Variants in ITGA11 observed in about 807,000 individuals in gnomAD.
ITGA11 encodes the protein integrin subunit alpha 11.
Under a neutral mutation model 141.9 loss-of-function variants are expected in ITGA11, and 97 were observed. The observed-to-expected ratio is 0.68, with a 90% confidence interval of 0.58 to 0.81. The LOEUF (loss-of-function observed/expected upper bound fraction) is 0.81. Ranked by LOEUF, ITGA11 falls within the 30% of genes least tolerant of loss-of-function variation. The probability of loss-of-function intolerance (pLI) is 0.00; values close to 1 mark genes in which losing one functional copy is unlikely to be tolerated. For synonymous variants in ITGA11, 658 were observed against 624.6 expected, an observed-to-expected ratio of 1.05 and a Z score of -0.80; for missense variants, 1,387 against 1,559.2, an observed-to-expected ratio of 0.89 and a Z score of 1.86.
chr15:68,392,737 T>A (rs1283188533), intron 2 of ITGA11, among the ~76,000 whole-genome samples: 1 of 152,194 alleles, frequency 6.6e-6, no homozygotes, highest in Non-Finnish European at 1.5e-5. Context: ...CCTTAATGAA[T>A]ACTCTGGGAT....
At chr15:68,406,722 C>T (rs115267658) in intron 1 of ITGA11, among the ~76,000 whole-genome samples, 9 of 152,240 alleles carry the variant, frequency 5.9e-5, no homozygotes, top group African/African-American at 1.7e-4. Flanking sequence ...AGGTCCAGCT[C>T]GTAGATACTG....
chr15:68,423,994 C>T (rs1897079836), intron 1 of ITGA11, among the ~76,000 whole-genome samples: 1 of 152,156 alleles, frequency 6.6e-6, no homozygotes, highest in African/African-American at 2.4e-5. Context: ...CTCAGAGAAC[C>T]CCCCGCCCCA....
rs71145169 is a variant in ITGA11 at position 68,412,668 on chromosome 15, C to CTTT, written c.53-9642_53-9640dup. 2.4e-3 allele frequency among the ~76,000 whole-genome samples: 141 copies of CTTT among 59,258 alleles called. 2 individuals are homozygous for CTTT. Among genetic ancestry groups the CTTT allele is most frequent in the Middle Eastern group, 0.02 (1 of 50 alleles). 38.9% of individuals were successfully genotyped at this position (59,258 alleles called of 152,430 possible). On this transcript the variant is annotated intron_variant, in intron 1 of 29. Coordinates refer to ENST00000315757, the MANE Select transcript of ITGA11 (RefSeq NM_001004439.2). ...TTATTAGGGAGGGGGAACTTATTCG[C>CTTT]TTTTTTTTTTTTTTTTTTTTTTTTT...
At chr15:68,400,638 A>T (rs1193857694) in intron 2 of ITGA11, among the ~76,000 whole-genome samples, 1 of 69,510 alleles carries the variant, frequency 1.4e-5, no homozygotes, top group Non-Finnish European at 2.5e-5. Flanking sequence ...TAAATATTAT[A>T]ATATTATATA....
chr15:68,426,604 T>C (rs766801617), intron 1 of ITGA11, among the ~76,000 whole-genome samples: 1 of 152,178 alleles, frequency 6.6e-6, no homozygotes, highest in Non-Finnish European at 1.5e-5. Context: ...GCTGTTTGCA[T>C]ACTGATCTCA....
chr15:68,329,696 G>A (rs944260963), intron 15 of ITGA11, among the ~76,000 whole-genome samples: 1 of 152,174 alleles, frequency 6.6e-6, no homozygotes, highest in African/African-American at 2.4e-5. Flanking sequence ...TTTCTTGGCT[G>A]GAACCAACAC....
intron 20 of ITGA11, among the ~76,000 whole-genome samples, chr15:68,318,503 G>C (rs772741364): frequency 6.6e-5 from 10 of 152,198 alleles, no homozygotes; most frequent in Non-Finnish European, 1.2e-4. Flanking sequence ...AGCCTGGGCT[G>C]TCACTCTGGG....
At chr15:68,311,978 A>C (rs1345062067) in intron 24 of ITGA11, among the ~76,000 whole-genome samples, 2 of 152,138 alleles carry the variant, frequency 1.3e-5, no homozygotes, top group Non-Finnish European at 2.9e-5. Context: ...GCAGCTTACT[A>C]GGCCTCTCTT....
At chr15:68,431,720 C>A (rs1190601595) in intron 1 of ITGA11, among the ~76,000 whole-genome samples, 1 of 152,242 alleles carries the variant, frequency 6.6e-6, no homozygotes, top group Non-Finnish European at 1.5e-5. Context: ...TTGGAGGCAC[C>A]TAAGGCGCCC....
Position 68,350,609 on chromosome 15 carries a change from T to C in ITGA11, c.1060+8A>G, listed in dbSNP as rs1163189763. ...AGAGTGGATCCCCTCTTAGCATGCATTGCTTACCTTCCAGGCTGAAGATTC... is the reference window on the plus strand; with the variant it reads ...AGAGTGGATCCCCTCTTAGCATGCACTGCTTACCTTCCAGGCTGAAGATTC... On this transcript the variant is annotated splice_region_variant and intron_variant, in intron 9 of 29. Coordinates refer to ENST00000315757, the MANE Select transcript of ITGA11 (RefSeq NM_001004439.2). 5 of 1,611,622 alleles carry C rather than the reference T, an allele frequency of 3.1e-6. No homozygotes were observed. Among genetic ancestry groups the C allele is most frequent in the Non-Finnish European group, 4.2e-6 (5 of 1,178,632 alleles).
At position 68,326,415 on chromosome 15, in the gene ITGA11, G is replaced by A. The variant is rs76437504; in HGVS notation, c.2211+239C>T. 6.6e-6 allele frequency among the ~76,000 whole-genome samples: 1 copy of A among 152,092 alleles called. No individual in the cohort carries two copies. Among genetic ancestry groups the A allele is most frequent in the Non-Finnish European group, 1.5e-5 (1 of 68,032 alleles). ...TACTGAGCCCACCTTCCTCCCTTCGGCATCTGAGAGTGGCAGGAGAAGAGG... is the reference window on the plus strand; with the variant it reads ...TACTGAGCCCACCTTCCTCCCTTCGACATCTGAGAGTGGCAGGAGAAGAGG... On this transcript the variant is annotated intron_variant, in intron 17 of 29. Transcript: ENST00000315757. This position sits in a 1 kb window ranked among gnomAD's most constrained non-coding sequence, Gnocchi z 6.8.
rs765073756 is a variant in ITGA11, at chr15:68,331,945, C to T, written c.1684G>A (p.Val562Met). Residue 562 changes from valine to methionine, a missense_variant, in exon 14 of 30, where the codon GTG becomes ATG. Coordinates refer to ENST00000315757, the MANE Select transcript of ITGA11 (RefSeq NM_001004439.2). ...LNQDSYNDVV[V>M]GAPLEDNHAG... is the part of the protein sequence containing the mutation. ...TGGTTGTCCTCCAGGGGGGCTCCCA[C>T]CACCACGTCATTGTAGGAATCCTGG... The T allele has an allele frequency of 3.7e-6, 6 of 1,613,354 alleles. No homozygotes were observed. Among genetic ancestry groups the T allele is most frequent in the Non-Finnish European group, 3.4e-6 (4 of 1,179,736 alleles).
At position 68,357,221 on chromosome 15, in the gene ITGA11, C is replaced by T. The variant is rs1360099963; in HGVS notation, c.679G>A (p.Glu227Lys). The T allele has an allele frequency of 6.2e-7, 1 of 1,613,968 alleles. No individual in the cohort carries two copies. The highest frequency in any genetic ancestry group is 8.5e-7 in the Non-Finnish European group (1 of 1,179,882). ...NDYRSVKDVV[E>K]AASHIEQRGG... ...CTCTGCTCAATGTGGCTGGCAGCTT[C>T]CACCACATCTTTTACAGACCTGTAG... is the stretch of plus-strand genomic sequence containing the variant. Residue 227 changes from glutamate to lysine, a missense_variant, in exon 7 of 30, where the codon GAA becomes AAA. Physicochemically the swap from Glu to Lys is moderately conservative, Grantham distance 56. Transcript: ENST00000315757.
intron 2 of ITGA11, among the ~76,000 whole-genome samples, chr15:68,394,780 T>C (rs1896192891): frequency 1.3e-5 from 2 of 152,090 alleles, no homozygotes; most frequent in Non-Finnish European, 2.9e-5. Context: ...GAAAAGATAA[T>C]AGGAGGCTAA....
intron 2 of ITGA11, among the ~76,000 whole-genome samples, chr15:68,401,271 G>T (rs1896503695): frequency 6.6e-6 from 1 of 151,894 alleles, no homozygotes; most frequent in African/African-American, 2.4e-5. Flanking sequence ...GTTTAAATTG[G>T]TAAACCACTT....
Position 68,303,656 on chromosome 15 carries a change from G to C in ITGA11, c.3495+116C>G. On this transcript the variant is annotated intron_variant, in intron 29 of 29. Coordinates refer to ENST00000315757, the MANE Select transcript of ITGA11 (RefSeq NM_001004439.2). This position sits in a 1 kb window ranked among gnomAD's most constrained non-coding sequence, Gnocchi z 5.3. ...CAGTGTGTCTGCTATGGCGAGGGGT[G>C]GGGTGCCAGCTCCCCTGGAGAGGAG... is the stretch of plus-strand genomic sequence containing the variant. 1 of 655,714 alleles carries C rather than the reference G, an allele frequency of 1.5e-6. No individual in the cohort carries two copies. Among genetic ancestry groups the C allele is most frequent in the East Asian group, 2.8e-5 (1 of 35,982 alleles). 40.6% of individuals were successfully genotyped at this position (655,714 alleles called of 1,614,324 possible).
At chr15:68,340,756 C>T (rs8029452) in intron 10 of ITGA11, 30,356 of 152,148 alleles carry the variant, frequency 0.2, 6,816 homozygotes, top group African/African-American at 0.56. Context: ...CCTCTCTCTC[C>T]TGTATCCCCG....
chr15:68,371,344 G>A (rs1304316852), intron 2 of ITGA11, among the ~76,000 whole-genome samples: 1 of 152,178 alleles, frequency 6.6e-6, no homozygotes, highest in African/African-American at 2.4e-5. Context: ...GTTCCTCCCG[G>A]GCACTGTTGC....
intron 1 of ITGA11, among the ~76,000 whole-genome samples, chr15:68,416,262 A>G (rs1160623954): frequency 3.3e-5 from 5 of 152,298 alleles, no homozygotes; most frequent in South Asian, 4.1e-4. Context: ...GAAAAAAACA[A>G]TCAATCTGGG....
Sources: allele counts gnomAD v4.1 joint callset (sites outside exome capture counted in the v4.1 genomes callset), GRCh38; gene constraint gnomAD v4.1.1; non-coding constraint Gnocchi (gnomAD v3.1); transcripts MANE v1.5; gene names NCBI Gene and HGNC (gene_info 2026-07-23, HGNC 2026-07-21).